The following ITPK1 variants were observed in gnomAD, a reference collection of about 807,000 sequenced individuals.
ITPK1 encodes the protein inositol-tetrakisphosphate 1-kinase, also known as inositol 1,3,4-trisphosphate 5/6-kinase.
A neutral mutation model predicts 45.3 loss-of-function variants in ITPK1; 21 were observed. That is an observed-to-expected ratio of 0.46 (90% CI 0.33 to 0.67). The LOEUF is 0.67. ITPK1 is among the 30% of genes least tolerant of loss of function. The pLI, the probability that ITPK1 is intolerant of heterozygous loss-of-function variation, is 0.02. For synonymous variants in ITPK1, 258 were observed against 253.6 expected, an observed-to-expected ratio of 1.02 and a Z score of -0.16; for missense variants, 474 against 573.5, an observed-to-expected ratio of 0.83 and a Z score of 1.77.
At chr14:93,039,271 C>T (rs997461513) in intron 3 of ITPK1, among the ~76,000 whole-genome samples, 5 of 152,246 alleles carry the variant, frequency 3.3e-5, no homozygotes, top group African/African-American at 1.2e-4. Context: ...AAACACCCCC[C>T]ACCTCCTTGT....
At chr14:92,968,350 A>T (rs1326361746) in intron 5 of ITPK1, among the ~76,000 whole-genome samples, 1 of 152,164 alleles carries the variant, frequency 6.6e-6, no homozygotes, top group East Asian at 1.9e-4. Context: ...TAGAAAGGTA[A>T]ATGTATGATA....
chr14:92,944,172 C>T (rs1887570321), intron 10 of ITPK1, among the ~76,000 whole-genome samples: 1 of 152,180 alleles, frequency 6.6e-6, no homozygotes, highest in South Asian at 2.1e-4. Context: ...CAGGCCTCTC[C>T]CACCCACGTG....
Position 92,940,983 on chromosome 14 carries a change from T to C in ITPK1, c.*578A>G. The C allele has an allele frequency of 7.8e-7, 1 of 1,277,928 alleles. No homozygotes were observed. The highest frequency in any genetic ancestry group is 1.0e-6 in the Non-Finnish European group (1 of 983,482). The allele number at this position is 1,277,928 out of a possible 1,614,324, so 79.2% of individuals were successfully genotyped here. The stretch of plus-strand genomic sequence containing the variant: ...CAGCGCGGAACTCCCCTGAGGGGTC[T>C]GTGGCCTCCTCTGGCTGTGGGGAGG... On this transcript the variant is annotated 3_prime_UTR_variant, in exon 11 of 11. Transcript: ENST00000267615.
intron 3 of ITPK1, among the ~76,000 whole-genome samples, chr14:93,035,633 C>T (rs1889283124): frequency 6.6e-6 from 1 of 152,236 alleles, no homozygotes; most frequent in Non-Finnish European, 1.5e-5. Context: ...AGAAACCTGT[C>T]TGGCTGCTGT....
intron 5 of ITPK1, among the ~76,000 whole-genome samples, chr14:92,986,383 G>A (rs1259456677): frequency 6.6e-6 from 1 of 152,218 alleles, no homozygotes. Flanking sequence ...GTGGAGTCTG[G>A]AGGGAGTTAG....
intron 5 of ITPK1, among the ~76,000 whole-genome samples, chr14:92,963,470 C>T (rs1219881596): frequency 6.6e-6 from 1 of 152,218 alleles, no homozygotes; most frequent in Non-Finnish European, 1.5e-5. Flanking sequence ...TGACCCCTCA[C>T]CTGCAGACTA....
rs1308913104 is a variant in ITPK1, at chr14:93,115,193, G to A, written c.-30C>T. 4.6e-6 allele frequency: 7 copies of A among 1,517,934 alleles called. No homozygotes were observed. Among genetic ancestry groups the A allele is most frequent in the Non-Finnish European group, 4.5e-6 (5 of 1,103,122 alleles). The allele number at this position is 1,517,934 out of a possible 1,614,324, so 94.0% of individuals were successfully genotyped here. A position where few individuals can be genotyped will look rare whatever the true frequency, so the allele number is the denominator to read the frequency against. ...CTCCTCGGGCGGGGAGCCTGGGTCC[G>A]GAGGAAATCGCCCACAGGCCGAGTC... On this transcript the variant is annotated 5_prime_UTR_variant, in exon 2 of 11. Coordinates refer to ENST00000267615, the MANE Select transcript of ITPK1 (RefSeq NM_014216.6).
At chr14:92,942,024 T>C (rs1473957561) in intron 10 of ITPK1, 120 bp from the exon 11 acceptor site, 4 of 864,444 alleles carry the variant, frequency 4.6e-6, no homozygotes, top group Non-Finnish European at 7.2e-6. Context: ...GCTGTCAGCG[T>C]CCCATTTACA....
chr14:92,958,472 T>G lies in ITPK1; in HGVS notation c.505-106A>C. The G allele has an allele frequency of 2.7e-6, 3 of 1,109,390 alleles. No individual in the cohort carries two copies. The highest frequency in any genetic ancestry group is 2.9e-5 in the South Asian group (2 of 69,382). The allele number at this position is 1,109,390 out of a possible 1,614,324, so 68.7% of individuals were successfully genotyped here. A position where few individuals can be genotyped will look rare whatever the true frequency, so the allele number is the denominator to read the frequency against. ...GAGCACCTCCACCAAGGCCCATCCC[T>G]GGTCCTGTGGCATGAGGACTCCCCT... On this transcript the variant is annotated intron_variant, in intron 7 of 10. Coordinates refer to ENST00000267615, the MANE Select transcript of ITPK1 (RefSeq NM_014216.6). This position sits in a 1 kb window ranked among gnomAD's most constrained non-coding sequence, Gnocchi z 4.4.
chr14:92,942,017 G>A, intron 10 of ITPK1, 113 bp from the exon 11 acceptor site: 1 of 897,058 alleles, frequency 1.1e-6, no homozygotes, highest in Non-Finnish European at 1.7e-6. Flanking sequence ...AGGGTGTGCT[G>A]TCAGCGTCCC....
chr14:92,977,550 G>GAATTACAGGCAGAAGTCTGCT (rs1566710922), intron 5 of ITPK1, among the ~76,000 whole-genome samples: 1 of 152,086 alleles, frequency 6.6e-6, no homozygotes, highest in African/African-American at 2.4e-5. Context: ...CCAGCATCGG[G>GAATTACAGGCAGAAGTCTGCT]GGAGGACCTG....
intron 3 of ITPK1, among the ~76,000 whole-genome samples, chr14:93,028,307 G>A (rs181357049): frequency 7.9e-4 from 120 of 152,328 alleles, no homozygotes; most frequent in African/African-American, 2.7e-3. Context: ...TGGAGAGGCC[G>A]CTGGTCTCCA....
intron 2 of ITPK1, among the ~76,000 whole-genome samples, chr14:93,098,389 G>A (rs1421321681): frequency 6.6e-6 from 1 of 151,878 alleles, no homozygotes; most frequent in Non-Finnish European, 1.5e-5. Flanking sequence ...CCCGGGAGGC[G>A]GAGCTTGTAG....
At position 93,063,080 on chromosome 14, in the gene ITPK1, C is replaced by A. The variant is rs751831312; in HGVS notation, c.120+13515G>T. 6.6e-6 allele frequency among the ~76,000 whole-genome samples: 1 copy of A among 152,188 alleles called. No individual in the cohort carries two copies. The highest frequency in any genetic ancestry group is 1.5e-5 in the Non-Finnish European group (1 of 68,032). ...CCCACCCCACCCCCATCTCCCATCTCTCTCCCACGCCAGACCCTTCTCCAA... is the reference window on the plus strand; with the variant it reads ...CCCACCCCACCCCCATCTCCCATCTATCTCCCACGCCAGACCCTTCTCCAA... On this transcript the variant is annotated intron_variant, in intron 3 of 10. Coordinates refer to ENST00000267615, the MANE Select transcript of ITPK1 (RefSeq NM_014216.6). This position sits in a 1 kb window ranked among gnomAD's most constrained non-coding sequence, Gnocchi z 4.3.
At chr14:93,079,036 G>C (rs1223286246) in intron 2 of ITPK1, among the ~76,000 whole-genome samples, 1 of 152,034 alleles carries the variant, frequency 6.6e-6, no homozygotes, top group African/African-American at 2.4e-5. Context: ...CTGGCATCTG[G>C]GTTATCCCAG....
At chr14:92,952,619 C>T (rs761318081) in intron 8 of ITPK1, among the ~76,000 whole-genome samples, 1 of 152,196 alleles carries the variant, frequency 6.6e-6, no homozygotes, top group Non-Finnish European at 1.5e-5. Context: ...TCTTTGGCAA[C>T]GGAAGCTGGC....
rs1018310064 is a variant in ITPK1 at position 92,977,208 on chromosome 14, C to T, written c.365-14359G>A. Reference sequence around the variant, plus strand: ...ATCCCAACATCCTGTCCATCATTATCGTCATCATCATCACTGGTATTACTA... The same window carrying T: ...ATCCCAACATCCTGTCCATCATTATTGTCATCATCATCACTGGTATTACTA... On this transcript the variant is annotated intron_variant, in intron 5 of 10. Transcript: ENST00000267615. Among the ~76,000 whole-genome samples the T allele has an allele frequency of 6.0e-4, 92 of 152,334 alleles. 2 individuals carry two copies. In the Middle Eastern group the frequency reaches 0.017, roughly 28 times the overall value.
In ITPK1 at chr14:92,941,389, ATCC is replaced by A; in HGVS notation, c.*169_*171del. The A allele has an allele frequency of 7.1e-7, 1 of 1,417,340 alleles. No individual in the cohort carries two copies. Among genetic ancestry groups the A allele is most frequent in the Non-Finnish European group, 9.1e-7 (1 of 1,093,212 alleles). The allele number at this position is 1,417,340 out of a possible 1,614,324, so 87.8% of individuals were successfully genotyped here. A position where few individuals can be genotyped will look rare whatever the true frequency, so the allele number is the denominator to read the frequency against. ...GGTGGACCACCTGGTACTCTCTTCC[ATCC>A]CCCACTACCCCTCATTTAGATCATG... On this transcript the variant is annotated 3_prime_UTR_variant, in exon 11 of 11. Transcript: ENST00000267615.
At chr14:93,025,339 T>C (rs778285038) in intron 3 of ITPK1, among the ~76,000 whole-genome samples, 1 of 152,274 alleles carries the variant, frequency 6.6e-6, no homozygotes, top group Non-Finnish European at 1.5e-5. Context: ...ACTTTAGTTG[T>C]GGTGGTTTTG....
Sources: gnomAD v4.1 joint callset for allele counts (sites outside exome capture counted in the v4.1 genomes callset) on GRCh38, gnomAD v4.1.1 for gene constraint, Gnocchi (gnomAD v3.1) non-coding constraint, MANE v1.5 for transcripts, NCBI Gene and HGNC (gene_info 2026-07-23, HGNC 2026-07-21) for gene names.